Variants in RPTOR observed in about 807,000 individuals in gnomAD.
RPTOR encodes the protein regulatory associated protein of MTOR complex 1.
RPTOR carries 21 observed loss-of-function variants against 169.9 expected under a neutral mutation model. The ratio of observed to expected loss-of-function variants is 0.12; its 90% CI spans 0.09 to 0.18. The LOEUF (loss-of-function observed/expected upper bound fraction) is 0.18, where lower values mean the gene tolerates loss of function less well. Among genes scored for constraint, RPTOR ranks in the 10% least tolerant of loss-of-function variants. The pLI is 1.00. For synonymous variants in RPTOR, 732 were observed against 753.2 expected, an observed-to-expected ratio of 0.97 and a Z score of 0.46; for missense variants, 1,133 against 1,855.9, an observed-to-expected ratio of 0.61 and a Z score of 7.16.
chr17:80,552,603 A>G (rs1454494201), intron 1 of RPTOR, among the ~76,000 whole-genome samples: 4 of 152,262 alleles, frequency 2.6e-5, no homozygotes, highest in African/African-American at 7.2e-5. Flanking sequence ...CAACAAAACT[A>G]TACTGATACA....
chr17:80,661,907 A>G (rs868659682), intron 3 of RPTOR, among the ~76,000 whole-genome samples: 4 of 152,308 alleles, frequency 2.6e-5, no homozygotes, highest in Middle Eastern at 3.4e-3. Flanking sequence ...TCGGTAATTC[A>G]GTCAAAACAA....
chr17:80,711,814 G>A (rs2066195465), intron 4 of RPTOR, among the ~76,000 whole-genome samples: 1 of 138,530 alleles, frequency 7.2e-6, no homozygotes, highest in South Asian at 2.3e-4. Context: ...CGTGATCTTG[G>A]CTCACTGCAG....
intron 6 of RPTOR, among the ~76,000 whole-genome samples, chr17:80,755,270 C>G (rs1404729776): frequency 6.6e-6 from 1 of 152,170 alleles, no homozygotes; most frequent in Non-Finnish European, 1.5e-5. Flanking sequence ...AGGGAGAGAC[C>G]TCCTTTTAGT....
At chr17:80,568,818 T>G (rs2064872743) in intron 1 of RPTOR, among the ~76,000 whole-genome samples, 1 of 152,150 alleles carries the variant, frequency 6.6e-6, no homozygotes, top group South Asian at 2.1e-4. Context: ...CTCTCATCTA[T>G]TCTTCTATAG....
intron 3 of RPTOR, among the ~76,000 whole-genome samples, chr17:80,705,857 A>G (rs1296581822): frequency 3.9e-5 from 6 of 151,986 alleles, no homozygotes; most frequent in African/African-American, 1.4e-4. Context: ...TTAAGCATGA[A>G]TGGTGTGCCC....
chr17:80,922,666 G>C, intron 21 of RPTOR, 58 bp from the exon 22 acceptor site: 1 of 1,378,010 alleles, frequency 7.3e-7, no homozygotes, highest in Non-Finnish European at 1.0e-6. Flanking sequence ...GCTTCGTGTG[G>C]CGGCCTCCGC....
intron 4 of RPTOR, among the ~76,000 whole-genome samples, chr17:80,714,616 G>T (rs1037979450): frequency 6.6e-6 from 1 of 152,186 alleles, no homozygotes; most frequent in Non-Finnish European, 1.5e-5. Context: ...TAAAGATAAT[G>T]AAACTATGAC....
At position 80,959,595 on chromosome 17, in the gene RPTOR, G is replaced by A. The variant is rs113116565; in HGVS notation, c.3478-483G>A. On this transcript the variant is annotated intron_variant, in intron 29 of 33. Transcript: ENST00000306801. This position sits in a 1 kb window ranked among gnomAD's most constrained non-coding sequence, Gnocchi z 6.7. ...CGCTTCTCCAGCACTTAGAGCCCCC[G>A]AGGGAGCCAGATGACCCCTCCTGGA... 3.9e-4 allele frequency among the ~76,000 whole-genome samples: 59 copies of A among 152,312 alleles called. 1 individual carries two copies. Among genetic ancestry groups the A allele is most frequent in the South Asian group, 2.3e-3 (11 of 4,820 alleles).
At chr17:80,836,277 C>T (rs1287691283) in intron 9 of RPTOR, among the ~76,000 whole-genome samples, 3 of 152,240 alleles carry the variant, frequency 2.0e-5, no homozygotes, top group South Asian at 2.1e-4. Context: ...CTCTCCTTCT[C>T]GAAAGTCACA....
chr17:80,957,737 A>G lies in RPTOR; in HGVS notation c.3477+7A>G. The G allele has an allele frequency of 6.2e-7, 1 of 1,612,904 alleles. No homozygotes were observed. The highest frequency in any genetic ancestry group is 8.5e-7 in the Non-Finnish European group (1 of 1,179,150). ...CCGTGAGATGAAGGTGCAGGTAACC[A>G]TGCAGGTGTCCCCCAAGCCCTGGGC... On this transcript the variant is annotated splice_region_variant and intron_variant, in intron 29 of 33. Coordinates refer to ENST00000306801, the MANE Select transcript of RPTOR (RefSeq NM_020761.3). This position sits in a 1 kb window ranked among gnomAD's most constrained non-coding sequence, Gnocchi z 4.6.
chr17:80,883,199 G>A (rs1373028213), intron 14 of RPTOR, among the ~76,000 whole-genome samples: 1 of 152,218 alleles, frequency 6.6e-6, no homozygotes, highest in African/African-American at 2.4e-5. Flanking sequence ...CCAAGGAGCA[G>A]TCTGTTCACT....
At chr17:80,849,679 CG>C (rs1420867029) in intron 11 of RPTOR, among the ~76,000 whole-genome samples, 1 of 152,170 alleles carries the variant, frequency 6.6e-6, no homozygotes, top group East Asian at 1.9e-4. Context: ...CCACCATGCC[CG>C]GCTAATTTTT....
chr17:80,856,715 T>G (rs2067856264), intron 12 of RPTOR, among the ~76,000 whole-genome samples: 1 of 152,192 alleles, frequency 6.6e-6, no homozygotes, highest in African/African-American at 2.4e-5. Context: ...CTGCGTGGTA[T>G]TGCGTGCACT....
At chr17:80,714,104 A>G (rs1023209098) in intron 4 of RPTOR, among the ~76,000 whole-genome samples, 1 of 151,980 alleles carries the variant, frequency 6.6e-6, no homozygotes, top group African/African-American at 2.4e-5. Context: ...ACGCCTGGCT[A>G]ACTGTTTTGT....
At chr17:80,698,171 C>T (rs2066053069) in intron 3 of RPTOR, among the ~76,000 whole-genome samples, 2 of 152,106 alleles carry the variant, frequency 1.3e-5, no homozygotes, top group African/African-American at 4.8e-5. Context: ...ACGGAGGCGA[C>T]TGAGGGTCCA....
intron 1 of RPTOR, among the ~76,000 whole-genome samples, chr17:80,588,380 C>T (rs1263603639): frequency 6.6e-6 from 1 of 152,132 alleles, no homozygotes; most frequent in Non-Finnish European, 1.5e-5. Context: ...TCAGGTTGGT[C>T]TCAAACTCCT....
At chr17:80,806,510 TTGTC>T (rs1349168119) in intron 7 of RPTOR, among the ~76,000 whole-genome samples, 6 of 152,214 alleles carry the variant, frequency 3.9e-5, no homozygotes, top group African/African-American at 9.6e-5. Context: ...GTATGTGTGT[TTGTC>T]TGGTCACCAA....
chr17:80,751,847 C>A (rs1173457387), intron 5 of RPTOR, among the ~76,000 whole-genome samples: 1 of 152,226 alleles, frequency 6.6e-6, no homozygotes, highest in Non-Finnish European at 1.5e-5. Flanking sequence ...ACCGCTTGGT[C>A]CACGACCCCG....
intron 24 of RPTOR, among the ~76,000 whole-genome samples, chr17:80,930,552 C>T (rs991793632): frequency 2.3e-5 from 2 of 86,050 alleles, no homozygotes; most frequent in African/African-American, 8.5e-5. Flanking sequence ...GCTTCACCCG[C>T]CTCAGGAGGA....
Sources: gnomAD v4.1 joint callset for allele counts (sites outside exome capture counted in the v4.1 genomes callset) on GRCh38, gnomAD v4.1.1 for gene constraint, Gnocchi (gnomAD v3.1) non-coding constraint, MANE v1.5 for transcripts, NCBI Gene and HGNC (gene_info 2026-07-23, HGNC 2026-07-21) for gene names.